The following VWA8 variants were observed in gnomAD, a reference collection of about 807,000 sequenced individuals.
VWA8 encodes von Willebrand factor A domain containing 8.
Under a neutral mutation model 241.5 loss-of-function variants are expected in VWA8, and 221 were observed. That is an observed-to-expected ratio of 0.91 (90% CI 0.82 to 1.02). The LOEUF is 1.02. Among genes scored for constraint, VWA8 ranks in the 50% least tolerant of loss-of-function variants. The pLI, the probability that VWA8 is intolerant of heterozygous loss-of-function variation, is 0.00. For synonymous variants in VWA8, 852 were observed against 827.1 expected, an observed-to-expected ratio of 1.03 and a Z score of -0.52; for missense variants, 2,322 against 2,328.7, an observed-to-expected ratio of 1.00 and a Z score of 0.06.
At chr13:41,899,917 T>C (rs1412077499) in intron 4 of VWA8, among the ~76,000 whole-genome samples, 1 of 152,180 alleles carries the variant, frequency 6.6e-6, no homozygotes, top group Non-Finnish European at 1.5e-5. Flanking sequence ...AGTGTGGGGG[T>C]ACAATCTCGA....
intron 26 of VWA8, among the ~76,000 whole-genome samples, chr13:41,713,406 T>C (rs2045330463): frequency 6.6e-6 from 1 of 152,202 alleles, no homozygotes; most frequent in South Asian, 2.1e-4. Flanking sequence ...AGTGAACCTA[T>C]TATATTTAAT....
intron 4 of VWA8, among the ~76,000 whole-genome samples, chr13:41,895,831 C>CTTTTTTTTTTTTTTTTTTTTTTTTTT (rs59080554): frequency 7.7e-6 from 1 of 130,024 alleles, no homozygotes; most frequent in Non-Finnish European, 1.6e-5. Context: ...TGCAAATTTT[C>CTTTTTTTTTTTTTTTTTTTTTTTTTT]TTTTTTTTTT....
At chr13:41,690,066 T>G in intron 33 of VWA8, 100 bp downstream of exon 33, 1 of 1,040,446 alleles carries the variant, frequency 9.6e-7, no homozygotes, top group Non-Finnish European at 1.3e-6. Context: ...TGGTGTAAAC[T>G]TAACATAGGC....
At chr13:41,674,246 C>A (rs1432893238) in intron 36 of VWA8, among the ~76,000 whole-genome samples, 1 of 152,106 alleles carries the variant, frequency 6.6e-6, no homozygotes, top group Admixed American at 6.6e-5. Flanking sequence ...GAGCTATCTT[C>A]TTCTAGGGGT....
At position 41,739,865 on chromosome 13, in the gene VWA8, T is replaced by TTG. The variant is rs1555328466; in HGVS notation, c.2427-7711_2427-7710insCA. Reference sequence around the variant, plus strand: ...TTTTTTTTGTTTTTTTTGTTTTTTTTTTTTTTTGAGACAGAGTCTTGCTCT... The same window carrying TTG: ...TTTTTTTTGTTTTTTTTGTTTTTTTTTGTTTTTTTGAGACAGAGTCTTGCTCT... On this transcript the variant is annotated intron_variant, in intron 21 of 44. Coordinates refer to ENST00000379310, the MANE Select transcript of VWA8 (RefSeq NM_015058.2). Among the ~76,000 whole-genome samples the TTG allele has an allele frequency of 1.9e-4, 25 of 132,706 alleles. 1 individual carries two copies. Among genetic ancestry groups the TTG allele is most frequent in the African/African-American group, 6.7e-4 (23 of 34,374 alleles). The allele number at this position is 132,706 out of a possible 152,430, so 87.1% of individuals were successfully genotyped here.
intron 24 of VWA8, among the ~76,000 whole-genome samples, chr13:41,724,205 G>A (rs1477694863): frequency 6.6e-6 from 1 of 152,170 alleles, no homozygotes; most frequent in Non-Finnish European, 1.5e-5. Context: ...GTGGAGTAAT[G>A]GGAGCAAAAA....
At chr13:41,647,528 T>C (rs1160453871) in intron 37 of VWA8, among the ~76,000 whole-genome samples, 1 of 152,256 alleles carries the variant, frequency 6.6e-6, no homozygotes, top group Non-Finnish European at 1.5e-5. Context: ...ATTTATTTCA[T>C]TCATTTGACA....
At chr13:41,702,654 G>A (rs1041883252) in intron 27 of VWA8, among the ~76,000 whole-genome samples, 3 of 152,126 alleles carry the variant, frequency 2.0e-5, no homozygotes, top group African/African-American at 7.2e-5. Context: ...TGCACTATAC[G>A]GCAGAGTTGA....
chr13:41,847,447 T>G (rs985465487), intron 12 of VWA8, among the ~76,000 whole-genome samples: 2 of 152,104 alleles, frequency 1.3e-5, no homozygotes, highest in Non-Finnish European at 2.9e-5. Flanking sequence ...AAATGCCCCA[T>G]AGCAGAAAGA....
At chr13:41,690,507 T>A (rs2045169088) in intron 32 of VWA8, among the ~76,000 whole-genome samples, 1 of 152,062 alleles carries the variant, frequency 6.6e-6, no homozygotes. Flanking sequence ...ATGCTTCCTA[T>A]AAGAGAAAGG....
chr13:41,607,416 T>C (rs1020849779), intron 39 of VWA8, among the ~76,000 whole-genome samples: 9 of 152,224 alleles, frequency 5.9e-5, no homozygotes, highest in Non-Finnish European at 1.3e-4. Context: ...ATACCTCTTG[T>C]ATTTAGTTTC....
intron 37 of VWA8, among the ~76,000 whole-genome samples, chr13:41,647,147 T>C (rs2044837319): frequency 6.6e-6 from 1 of 152,178 alleles, no homozygotes; most frequent in Non-Finnish European, 1.5e-5. Flanking sequence ...TGTTTATCAT[T>C]TACACAGAAA....
At chr13:41,860,825 G>A (rs147394107) in intron 12 of VWA8, among the ~76,000 whole-genome samples, 19 of 152,172 alleles carry the variant, frequency 1.2e-4, no homozygotes, top group African/African-American at 4.3e-4. Context: ...GCAGCATGAA[G>A]TGAACATAAA....
chr13:41,573,632 G>A (rs898447800), intron 43 of VWA8, among the ~76,000 whole-genome samples: 8 of 115,328 alleles, frequency 6.9e-5, no homozygotes, highest in Non-Finnish European at 1.2e-4. Flanking sequence ...GTGTGTGTGT[G>A]TGAGACAGAG....
At chr13:41,713,610 C>A (rs372498774) in intron 26 of VWA8, among the ~76,000 whole-genome samples, 1 of 152,130 alleles carries the variant, frequency 6.6e-6, no homozygotes. Flanking sequence ...TTTTAAAGTA[C>A]AGTCTCATAT....
At chr13:41,666,010 C>G (rs1265002664) in intron 37 of VWA8, among the ~76,000 whole-genome samples, 4 of 152,078 alleles carry the variant, frequency 2.6e-5, no homozygotes, top group Non-Finnish European at 4.4e-5. Context: ...CTCACAGCCT[C>G]CCTAAAATCA....
At chr13:41,573,141 C>A (rs974198074) in intron 43 of VWA8, among the ~76,000 whole-genome samples, 122 of 149,330 alleles carry the variant, frequency 8.2e-4, no homozygotes, top group African/African-American at 2.9e-3. Context: ...ACAAGCCAGG[C>A]ACGGTGGCTG....
chr13:41,883,576 T>C, intron 8 of VWA8, 85 bp from the exon 9 acceptor site: 1 of 1,051,570 alleles, frequency 9.5e-7, no homozygotes, highest in Non-Finnish European at 1.4e-6. Flanking sequence ...GACATTAAAA[T>C]TGACTTATAA....
At chr13:41,598,730 A>G (rs1007695601) in intron 40 of VWA8, among the ~76,000 whole-genome samples, 1 of 151,962 alleles carries the variant, frequency 6.6e-6, no homozygotes, top group Non-Finnish European at 1.5e-5. Flanking sequence ...TTGTTCCACT[A>G]TCCTGTGGCA....
Sources: gnomAD v4.1 joint callset for allele counts (sites outside exome capture counted in the v4.1 genomes callset) on GRCh38, gnomAD v4.1.1 for gene constraint, MANE v1.5 for transcripts, NCBI Gene and HGNC (gene_info 2026-07-23, HGNC 2026-07-21) for gene names.